Variants in PLB1 observed in about 807,000 individuals in gnomAD.
The protein encoded by PLB1 is phospholipase B1.
In PLB1, 242 loss-of-function variants were observed where a neutral mutation model predicts 227.4. The observed-to-expected ratio is 1.06, with a 90% CI of 0.96 to 1.18. PLB1 has a LOEUF of 1.18. Among genes scored for constraint, PLB1 ranks in the 50% most tolerant of loss-of-function variants. The pLI, the probability that PLB1 is intolerant of heterozygous loss-of-function variation, is 0.00. For missense variants in PLB1, 1,858 were observed against 1,816.3 expected, an observed-to-expected ratio of 1.02 and a Z score of -0.42; for synonymous variants, 757 against 682.2, an observed-to-expected ratio of 1.11 and a Z score of -1.71.
Position 28,643,960 on chromosome 2 carries a change from G to A in PLB1, c.*899G>A, listed in dbSNP as rs561782786. Among the ~76,000 whole-genome samples the A allele has an allele frequency of 2.0e-5, 3 of 152,310 alleles. No homozygotes were observed. Among genetic ancestry groups the A allele is most frequent in the African/African-American group, 2.4e-5 (1 of 41,568 alleles). ...CCCGTGCTGGAGGCCTTCCACAGAT[G>A]GTCTCTTTTATGCTGCACAAAAGCC... On this transcript the variant is annotated 3_prime_UTR_variant, in exon 58 of 58. Transcript: ENST00000327757.
rs1000193909 is a variant in PLB1, at chr2:28,525,406, C to G, written c.284+99C>G. ...TGGGAAAGATTGGAGGCCAGGGAGG[C>G]TCAGTGCCTTGCTCAAGGCTACCCT... On this transcript the variant is annotated intron_variant, in intron 5 of 57. Coordinates refer to ENST00000327757, the MANE Select transcript of PLB1 (RefSeq NM_153021.5). 3 of 1,335,078 alleles carry G rather than the reference C, an allele frequency of 2.2e-6. No individual in the cohort carries two copies. The Admixed American group carries it at 6.0e-5, about 27-fold the overall frequency. The allele number at this position is 1,335,078 out of a possible 1,614,324, so 82.7% of individuals were successfully genotyped here. A position where few individuals can be genotyped will look rare whatever the true frequency, so the allele number is the denominator to read the frequency against.
intron 26 of PLB1, 42 bp downstream of exon 26, chr2:28,585,884 G>A (rs1344076767): frequency 1.3e-6 from 2 of 1,492,940 alleles, no homozygotes; most frequent in East Asian, 2.3e-5. Flanking sequence ...GAACTGCTGT[G>A]TGATTCGATT....
At position 28,614,102 on chromosome 2, in the gene PLB1, C is replaced by A; in HGVS notation, c.3195+6C>A. 6.2e-7 allele frequency: 1 copy of A among 1,607,502 alleles called. No individual in the cohort carries two copies. Among genetic ancestry groups the A allele is most frequent in the Non-Finnish European group, 8.5e-7 (1 of 1,174,094 alleles). Reference sequence around the variant, plus strand: ...CCATCAAGCCAGCCATTGAGGTAACCCCTGACTCACATCTGCCTCTCTCAG... The same window carrying A: ...CCATCAAGCCAGCCATTGAGGTAACACCTGACTCACATCTGCCTCTCTCAG... On this transcript the variant is annotated splice_donor_region_variant and intron_variant, in intron 44 of 57. Coordinates refer to ENST00000327757, the MANE Select transcript of PLB1 (RefSeq NM_153021.5).
intron 55 of PLB1, 54 bp from the exon 56 acceptor site, chr2:28,632,890 C>A: frequency 1.5e-6 from 2 of 1,356,692 alleles, no homozygotes; most frequent in Non-Finnish European, 2.1e-6. Flanking sequence ...GTGAGTGGGG[C>A]TCAGGTAGCA....
chr2:28,630,603 T>G lies in PLB1; in HGVS notation c.3836T>G (p.Leu1279Arg), dbSNP rs1457430514. The change falls in exon 54 of 58, where the codon CTC becomes CGC. Residue 1279 changes from leucine to arginine, a missense_variant. Physicochemically the swap from Leu to Arg is moderately radical, Grantham distance 102. Transcript: ENST00000327757. The stretch of plus-strand genomic sequence containing the variant: ...TCTCACAGGAACAACTGCACTTGCC[T>G]CAGACACTCGCAAAGCTCCCTGGAG... ...MLAAQNNCTCLRHSQSSLEKQ... is the reference protein window; with the variant it reads ...MLAAQNNCTCRRHSQSSLEKQ... The G allele has an allele frequency of 6.2e-7, 1 of 1,613,560 alleles. No individual in the cohort carries two copies. The highest frequency in any genetic ancestry group is 8.5e-7 in the Non-Finnish European group (1 of 1,179,798).
At position 28,540,504 on chromosome 2, in the gene PLB1, C is replaced by T. The variant is rs976247139; in HGVS notation, c.774+63C>T. On this transcript the variant is annotated intron_variant, in intron 12 of 57. Transcript: ENST00000327757. ...GGGGTGGCGTGGTCGCCAAGGAGAA[C>T]AGGAGTGATAGGGACAATTAGTTGA... 37 of 1,383,786 alleles carry T rather than the reference C, an allele frequency of 2.7e-5. No individual in the cohort carries two copies. The East Asian group carries it at 7.0e-4, about 26-fold the overall frequency. The allele number at this position is 1,383,786 out of a possible 1,614,324, so 85.7% of individuals were successfully genotyped here. A position where few individuals can be genotyped will look rare whatever the true frequency, so the allele number is the denominator to read the frequency against.
intron 4 of PLB1, among the ~76,000 whole-genome samples, chr2:28,521,833 C>A (rs555708495): frequency 1.3e-4 from 20 of 152,156 alleles, no homozygotes; most frequent in African/African-American, 4.8e-4. Context: ...GCTCAGAGCC[C>A]TACTGTACCT....
chr2:28,597,672 GT>G (rs1329232625), intron 33 of PLB1, among the ~76,000 whole-genome samples: 1 of 152,198 alleles, frequency 6.6e-6, no homozygotes, highest in East Asian at 1.9e-4. Flanking sequence ...AATGGACATA[GT>G]CACATCTACA....
chr2:28,562,540 C>CAAAAAAAAAAAAA (rs60393903), intron 17 of PLB1, among the ~76,000 whole-genome samples: 12,531 of 42,084 alleles, frequency 0.3, 4,561 homozygotes, highest in Non-Finnish European at 0.37. Context: ...GACTCTGTCT[C>CAAAAAAAAAAAAA]AAAAAAAAAA....
intron 17 of PLB1, among the ~76,000 whole-genome samples, chr2:28,555,244 C>T (rs545121245): frequency 4.8e-5 from 7 of 147,252 alleles, no homozygotes; most frequent in African/African-American, 7.5e-5. Context: ...TGGGTTCAAG[C>T]GATTCTCCTG....
chr2:28,547,698 G>C (rs1249116226), intron 14 of PLB1, among the ~76,000 whole-genome samples: 1 of 152,174 alleles, frequency 6.6e-6, no homozygotes, highest in Non-Finnish European at 1.5e-5. Flanking sequence ...CCAGAGCCCA[G>C]CACCTGTGGG....
At chr2:28,620,526 C>T in intron 47 of PLB1, 74 bp from the exon 48 acceptor site, 1 of 1,538,454 alleles carries the variant, frequency 6.5e-7, no homozygotes, top group Admixed American at 2.0e-5. Flanking sequence ...GGTTCCGGTT[C>T]TGGCTTGTGC....
At chr2:28,636,018 AATGTGTGTGTATGT>A (rs985327589) in intron 56 of PLB1, among the ~76,000 whole-genome samples, 6 of 53,956 alleles carry the variant, frequency 1.1e-4, no homozygotes, top group African/African-American at 2.9e-4. Flanking sequence ...TGTATGTATG[AATGTGTGTGTATGT>A]GTGTGTGTGT....
In PLB1 at chr2:28,601,935, C is replaced by T. The variant is rs80128719; in HGVS notation, c.2644C>T (p.Arg882Cys). Residue 882 changes from arginine to cysteine, a missense_variant, in exon 38 of 58, where the codon CGC (arginine) becomes TGC (cysteine). Physicochemically the swap from Arg to Cys is radical, Grantham distance 180 (BLOSUM62 -3). Transcript: ENST00000327757. ...YSAANFVHHL[R>C]NALDVLHREV... ...TGCAGCCAACTTTGTTCACCATCTC[C>T]GCAATGCCTTGGACGTCCTGCATAG... 2,720 of 1,611,684 alleles carry T rather than the reference C, an allele frequency of 1.7e-3. 42 individuals are homozygous for T. The African/African-American group carries it at 0.032, about 19-fold the overall frequency.
intron 51 of PLB1, among the ~76,000 whole-genome samples, chr2:28,626,719 G>T (rs187187448): frequency 1.6e-3 from 242 of 152,306 alleles, no homozygotes; most frequent in Admixed American, 5.6e-3. Flanking sequence ...CAGGTGCATT[G>T]GTTCCCCAAT....
intron 43 of PLB1, among the ~76,000 whole-genome samples, chr2:28,606,810 A>G (rs969632242): frequency 1.1e-4 from 17 of 152,160 alleles, no homozygotes; most frequent in African/African-American, 3.9e-4. Flanking sequence ...GCCCCAGCAG[A>G]GGGAGAGGAT....
chr2:28,585,829 A>G lies in PLB1; in HGVS notation c.1802A>G (p.Asn601Ser), dbSNP rs149583789. ...STELATLIEFNKKFQEKTHQL... is the reference protein window; with the variant it reads ...STELATLIEFSKKFQEKTHQL... ...GAACTTGCTACCCTCATCGAATTCA[A>G]CAAGAAGTTTCAGGTAAGCCGGGAA... The change falls in exon 26 of 58, where the codon AAC (asparagine) becomes AGC (serine). Residue 601 changes from asparagine to serine, a missense_variant. By Grantham distance (46) the Asn-to-Ser change is conservative. Transcript: ENST00000327757. The G allele has an allele frequency of 5.0e-6, 8 of 1,607,744 alleles. No individual in the cohort carries two copies. The highest frequency in any genetic ancestry group is 1.3e-5 in the African/African-American group (1 of 74,726).
Position 28,626,462 on chromosome 2 carries a change from CA to C in PLB1, c.3615del (p.Leu1206SerfsTer86), listed in dbSNP as rs1558949763. On this transcript the variant is annotated frameshift_variant, in exon 51 of 58. Transcript: ENST00000327757. LOFTEE classifies it high-confidence loss of function. The part of the protein sequence containing the change: ...INLEKDWKLV[T>X]LFIGVNDLCH... ...CTGGAGAAAGACTGGAAGCTGGTCA[CA>C]CTCTTCATTGGGGTCAACGACTTGT... 5 of 1,614,094 alleles carry C rather than the reference CA, an allele frequency of 3.1e-6. No individual in the cohort carries two copies. In the Admixed American group the frequency reaches 8.3e-5, roughly 27 times the overall value.
rs1687785829 is a variant in PLB1, at chr2:28,626,420, C to T, written c.3580-8C>T. On this transcript the variant is annotated splice_polypyrimidine_tract_variant and splice_region_variant and intron_variant, in intron 50 of 57. Coordinates refer to ENST00000327757, the MANE Select transcript of PLB1 (RefSeq NM_153021.5). Reference sequence around the variant, plus strand: ...AAGGCCTAAACTCAGGATCTTCTGTCCCCTCAGGACATCAACCTGGAGAAA... The same window carrying T: ...AAGGCCTAAACTCAGGATCTTCTGTTCCCTCAGGACATCAACCTGGAGAAA... 2 of 1,613,128 alleles carry T rather than the reference C, an allele frequency of 1.2e-6. No homozygotes were observed. Among genetic ancestry groups the T allele is most frequent in the South Asian group, 2.2e-5 (2 of 91,060 alleles).
Sources: allele counts gnomAD v4.1 joint callset (sites outside exome capture counted in the v4.1 genomes callset), GRCh38; gene constraint gnomAD v4.1.1; transcripts MANE v1.5; gene names NCBI Gene and HGNC (gene_info 2026-07-23, HGNC 2026-07-21).